The following ABCC1 variants were observed in gnomAD, a reference collection of about 807,000 sequenced individuals.
ABCC1 encodes multidrug resistance-associated protein 1.
A neutral mutation model predicts 172.9 loss-of-function variants in ABCC1; 83 were observed. The observed-to-expected ratio is 0.48, with a 90% CI of 0.40 to 0.58. The LOEUF (loss-of-function observed/expected upper bound fraction) is 0.58. ABCC1 is among the 20% of genes least tolerant of loss of function. The pLI is 0.00. For synonymous variants in ABCC1, 937 were observed against 825.2 expected (o/e 1.14, Z -2.32); for missense variants, 1,817 against 2,002.7 (o/e 0.91, Z 1.77).
At chr16:15,985,720 C>T (rs1333983995) in intron 1 of ABCC1, among the ~76,000 whole-genome samples, 1 of 151,824 alleles carries the variant, frequency 6.6e-6, no homozygotes, top group Non-Finnish European at 1.5e-5. Flanking sequence ...GCTGGGATTA[C>T]AGGTGTGAGC....
Position 16,016,593 on chromosome 16 carries a change from C to G in ABCC1, c.587C>G (p.Pro196Arg), listed in dbSNP as rs1433460342. The G allele has an allele frequency of 1.2e-6, 2 of 1,614,178 alleles. No individual in the cohort carries two copies. Among genetic ancestry groups the G allele is most frequent in the Admixed American group, 1.7e-5 (1 of 60,004 alleles). ...TTGTCCTGTTTCTCAGATCGCTCAC[C>G]CCTGTTCTCGGAAACCATCCACGAC... ...LVLSCFSDRS[P>R]LFSETIHDPN... The change falls in exon 5 of 31, where the codon CCC (proline) becomes CGC (arginine). Residue 196 changes from proline (P) to arginine (R), a missense_variant. By Grantham distance (103) the Pro-to-Arg change is moderately radical. This residue lies in a region of ABCC1 where 398 missense variants were observed against 384.2 expected (regional missense o/e 1.04). Transcript: ENST00000399410.
chr16:15,982,911 C>G (rs1332888601), intron 1 of ABCC1, among the ~76,000 whole-genome samples: 1 of 151,478 alleles, frequency 6.6e-6, no homozygotes, highest in Non-Finnish European at 1.5e-5. Context: ...AACTTATGAC[C>G]TATACAAATG....
chr16:15,991,574 A>AACATTCAT (rs1480077401), intron 1 of ABCC1, among the ~76,000 whole-genome samples: 7 of 151,946 alleles, frequency 4.6e-5, no homozygotes, highest in Non-Finnish European at 8.8e-5. Context: ...CAGGGCCATC[A>AACATTCAT]ACATTCATTA....
At position 16,033,102 on chromosome 16, in the gene ABCC1, C is replaced by G; in HGVS notation, c.616-7C>G. 6.2e-7 allele frequency: 1 copy of G among 1,613,986 alleles called. No homozygotes were observed. The highest frequency in any genetic ancestry group is 2.2e-5 in the East Asian group (1 of 44,858). On this transcript the variant is annotated splice_polypyrimidine_tract_variant and splice_region_variant and intron_variant, in intron 5 of 30. Coordinates refer to ENST00000399410, the MANE Select transcript of ABCC1 (RefSeq NM_004996.4). ...TTCCTCCCAAACCTGTGCTTTCTTT[C>G]CACTAGAATCCCTGCCCAGAGTCCA...
intron 27 of ABCC1, 142 bp downstream of exon 27, chr16:16,132,077 T>A: frequency 9.2e-7 from 1 of 1,082,026 alleles, no homozygotes; most frequent in South Asian, 1.6e-5. Flanking sequence ...GGGCTGGGAG[T>A]GGACTGTGGC....
At chr16:16,094,123 T>C (rs767927950) in intron 19 of ABCC1, 25 of 182,604 alleles carry the variant, frequency 1.4e-4, no homozygotes, top group Non-Finnish European at 2.9e-4. Flanking sequence ...TAGGAACAGT[T>C]TGTTCCCTTT....
At chr16:16,048,047 C>A (rs1382132775) in intron 9 of ABCC1, 95 bp from the exon 10 acceptor site, 2 of 1,452,992 alleles carry the variant, frequency 1.4e-6, no homozygotes, top group Admixed American at 3.6e-5. Flanking sequence ...GCATTTCTGC[C>A]CCTGAGAGTC....
At chr16:15,979,088 C>T (rs573366452) in intron 1 of ABCC1, among the ~76,000 whole-genome samples, 6 of 152,150 alleles carry the variant, frequency 3.9e-5, no homozygotes, top group Admixed American at 2.6e-4. Context: ...GTCAAGACAT[C>T]GAGACCATCC....
intron 19 of ABCC1, among the ~76,000 whole-genome samples, chr16:16,096,072 G>A (rs1251869934): frequency 6.6e-6 from 1 of 152,110 alleles, no homozygotes; most frequent in African/African-American, 2.4e-5. Context: ...TTCGAGACCA[G>A]CCTCGCCAAC....
At chr16:16,098,640 A>G (rs2051587772) in intron 19 of ABCC1, among the ~76,000 whole-genome samples, 1 of 152,078 alleles carries the variant, frequency 6.6e-6, no homozygotes, top group South Asian at 2.1e-4. Context: ...CAAAAACCCA[A>G]CACAGTTATG....
intron 27 of ABCC1, among the ~76,000 whole-genome samples, chr16:16,132,422 C>T (rs1047540452): frequency 6.6e-6 from 1 of 151,752 alleles, no homozygotes; most frequent in Non-Finnish European, 1.5e-5. Flanking sequence ...GGTCTGCCCG[C>T]CTCAGCTTCC....
intron 1 of ABCC1, among the ~76,000 whole-genome samples, chr16:15,960,046 T>C (rs2046093495): frequency 6.6e-6 from 1 of 152,150 alleles, no homozygotes; most frequent in Non-Finnish European, 1.5e-5. Context: ...AATACTTGTT[T>C]GGAGAATATG....
intron 23 of ABCC1, among the ~76,000 whole-genome samples, chr16:16,117,289 G>A (rs1312395743): frequency 2.0e-5 from 3 of 152,152 alleles, no homozygotes; most frequent in African/African-American, 4.8e-5. Context: ...AGAGCACCAC[G>A]AAGTCGGGGA....
intron 18 of ABCC1, among the ~76,000 whole-genome samples, chr16:16,088,124 C>CGTGTGTGTGT (rs60633005): frequency 7.9e-6 from 1 of 126,722 alleles, no homozygotes; most frequent in Admixed American, 8.2e-5. Context: ...TGTGTGTATG[C>CGTGTGTGTGT]GTGTGTGTGT....
At chr16:16,123,535 G>C (rs1196395824) in intron 24 of ABCC1, among the ~76,000 whole-genome samples, 2 of 152,042 alleles carry the variant, frequency 1.3e-5, no homozygotes, top group East Asian at 3.9e-4. Context: ...GCTGAGGCAG[G>C]AGAATCACTT....
chr16:15,991,421 G>C (rs937210361), intron 1 of ABCC1, among the ~76,000 whole-genome samples: 1 of 152,114 alleles, frequency 6.6e-6, no homozygotes, highest in Non-Finnish European at 1.5e-5. Flanking sequence ...GAAAAGTACA[G>C]GGCTTGTTCT....
At chr16:15,994,533 G>T (rs1294519781) in intron 1 of ABCC1, among the ~76,000 whole-genome samples, 1 of 152,122 alleles carries the variant, frequency 6.6e-6, no homozygotes, top group East Asian at 1.9e-4. Flanking sequence ...ATAAATACAT[G>T]CTTTCTCTTT....
intron 19 of ABCC1, among the ~76,000 whole-genome samples, chr16:16,100,104 A>T (rs560931744): frequency 1.3e-5 from 2 of 152,088 alleles, no homozygotes; most frequent in Non-Finnish European, 2.9e-5. Flanking sequence ...AAAAAAAAAA[A>T]TGCTGAGAGG....
intron 21 of ABCC1, among the ~76,000 whole-genome samples, chr16:16,109,013 G>A (rs1186694748): frequency 6.6e-6 from 1 of 152,040 alleles, no homozygotes; most frequent in Admixed American, 6.6e-5. Context: ...ACAAAGCCAA[G>A]TGGTGAAATA....
Sources: gnomAD v4.1 joint callset for allele counts (sites outside exome capture counted in the v4.1 genomes callset) on GRCh38, gnomAD v4.1.1 for gene constraint, gnomAD v4.1.1 regional missense constraint, MANE v1.5 for transcripts, NCBI Gene and HGNC (gene_info 2026-07-23, HGNC 2026-07-21) for gene names.